UEVLD: variants seen among roughly 807,000 people sequenced by gnomAD.
UEVLD encodes the protein UEV and lactate/malate dehyrogenase domains.
In UEVLD, 47 loss-of-function variants were observed where a neutral mutation model predicts 58.6. That is an observed-to-expected ratio of 0.80 (90% CI 0.63 to 1.02). The LOEUF (loss-of-function observed/expected upper bound fraction) is 1.02, where lower values mean the gene tolerates loss of function less well. Ranked by LOEUF, UEVLD falls within the 50% of genes least tolerant of loss-of-function variation. The probability of loss-of-function intolerance (pLI) is 0.00; values close to 1 mark genes in which losing one functional copy is unlikely to be tolerated. For missense variants in UEVLD, 510 were observed against 550.6 expected, an observed-to-expected ratio of 0.93 and a Z score of 0.74; for synonymous variants, 197 against 195.3, an observed-to-expected ratio of 1.01 and a Z score of -0.07.
Position 18,532,113 on chromosome 11 carries a change from G to C in UEVLD, c.*207C>G. On this transcript the variant is annotated 3_prime_UTR_variant, in exon 12 of 12. Coordinates refer to ENST00000396197, the MANE Select transcript of UEVLD (RefSeq NM_001040697.4). ...TTAAAGAACAGCATAGATATCTCAAGAACCCCAAATAAAATTAATTTTTCC... is the reference window on the plus strand; with the variant it reads ...TTAAAGAACAGCATAGATATCTCAACAACCCCAAATAAAATTAATTTTTCC... 2.5e-6 allele frequency: 1 copy of C among 400,348 alleles called. No homozygotes were observed. Among genetic ancestry groups the C allele is most frequent in the Non-Finnish European group, 4.4e-6 (1 of 228,884 alleles). The allele number at this position is 400,348 out of a possible 1,614,324, so 24.8% of individuals were successfully genotyped here.
intron 7 of UEVLD, among the ~76,000 whole-genome samples, chr11:18,556,962 C>G (rs1851778149): frequency 6.6e-6 from 1 of 151,420 alleles, no homozygotes; most frequent in Non-Finnish European, 1.5e-5. Context: ...TGTGGTGGTG[C>G]ATGCCTATAG....
chr11:18,588,214 G>C (rs933799845), intron 1 of UEVLD, among the ~76,000 whole-genome samples: 3 of 152,182 alleles, frequency 2.0e-5, no homozygotes, highest in Non-Finnish European at 1.5e-5. Context: ...CAGAAGGGTT[G>C]ATTCAATCTT....
Position 18,546,940 on chromosome 11 carries a change from G to A in UEVLD, c.826C>T (p.Leu276Phe), listed in dbSNP as rs1273148905. ...CTATAATGTCCCAGAGCTGGGACAA[G>A]GGCTCTGAACATATCCACATTGCTC... ...VQSNVDMFRA[L>F]VPALGHYSQH... The change falls in exon 8 of 12, where the codon CTT becomes TTT. Residue 276 changes from leucine (L) to phenylalanine (F), a missense_variant. Coordinates refer to ENST00000396197, the MANE Select transcript of UEVLD (RefSeq NM_001040697.4). The A allele has an allele frequency of 2.5e-6, 4 of 1,613,948 alleles. No individual in the cohort carries two copies. The highest frequency in any genetic ancestry group is 3.3e-5 in the Admixed American group (2 of 59,972).
At position 18,544,647 on chromosome 11, in the gene UEVLD, T is replaced by C; in HGVS notation, c.1036A>G (p.Ile346Val). Residue 346 changes from isoleucine to valine, a missense_variant, in exon 9 of 12, where the codon ATT (isoleucine) becomes GTT (valine). Coordinates refer to ENST00000396197, the MANE Select transcript of UEVLD (RefSeq NM_001040697.4). The stretch of plus-strand genomic sequence containing the variant: ...CCTTTGTCTTCTCCTTGCTCGCCAA[T>C]AACCCATACTTCTTTGCCTGAAGTC... ...AQTSGKEVWV[I>V]GEQGEDKVLT... 1.3e-6 allele frequency: 2 copies of C among 1,595,032 alleles called. No homozygotes were observed. The highest frequency in any genetic ancestry group is 1.7e-6 in the Non-Finnish European group (2 of 1,173,704).
In UEVLD at chr11:18,531,099, C is replaced by T. The variant is rs1051750788; in HGVS notation, c.*1221G>A. 5 of 152,272 alleles carry T rather than the reference C, an allele frequency of 3.3e-5. No homozygotes were observed. In the East Asian group the frequency reaches 7.7e-4, roughly 24 times the overall value. 9.4% of individuals were successfully genotyped at this position (152,272 alleles called of 1,614,324 possible). On this transcript the variant is annotated 3_prime_UTR_variant, in exon 12 of 12. Transcript: ENST00000396197. ...CCTTTCATGGTGTACAGGACCCCAG[C>T]TTTAGGGTCTTTTGATAACTATTTT...
chr11:18,586,752 A>G (rs1051228384), intron 1 of UEVLD, among the ~76,000 whole-genome samples: 7 of 152,178 alleles, frequency 4.6e-5, no homozygotes, highest in Non-Finnish European at 5.9e-5. Context: ...GAAACTTCAT[A>G]TATTTGCTGC....
intron 1 of UEVLD, 43 bp from the exon 2 acceptor site, chr11:18,578,851 A>T: frequency 7.0e-7 from 1 of 1,433,276 alleles, no homozygotes; most frequent in Non-Finnish European, 9.6e-7. Flanking sequence ...TAAAGCTGTA[A>T]GCAAAAGAAC....
chr11:18,571,572 C>G (rs749458486), intron 3 of UEVLD, among the ~76,000 whole-genome samples: 36 of 152,288 alleles, frequency 2.4e-4, no homozygotes, highest in Non-Finnish European at 4.4e-4. Flanking sequence ...ACCTTGACTC[C>G]TACCCTGCAC....
At chr11:18,550,032 G>A (rs1851461786) in intron 7 of UEVLD, among the ~76,000 whole-genome samples, 1 of 151,580 alleles carries the variant, frequency 6.6e-6, no homozygotes, top group Non-Finnish European at 1.5e-5. Context: ...ATGTTGGCCA[G>A]GCTGGTCTTG....
intron 6 of UEVLD, among the ~76,000 whole-genome samples, chr11:18,560,251 G>A (rs1217125498): frequency 6.6e-6 from 1 of 152,010 alleles, no homozygotes; most frequent in Non-Finnish European, 1.5e-5. Flanking sequence ...ATGTGACACA[G>A]GGCTTGCATA....
At chr11:18,585,658 GAC>G (rs1342758587) in intron 1 of UEVLD, among the ~76,000 whole-genome samples, 1 of 148,450 alleles carries the variant, frequency 6.7e-6, no homozygotes, top group Admixed American at 6.7e-5. Context: ...TTTTTTTTGA[GAC>G]AGAGTATTGC....
At chr11:18,588,414 C>T (rs1291460524) in intron 1 of UEVLD, among the ~76,000 whole-genome samples, 199 bp downstream of exon 1, 2 of 152,158 alleles carry the variant, frequency 1.3e-5, no homozygotes, top group Non-Finnish European at 1.5e-5. Context: ...TGGGAAACCT[C>T]AGAGTTGCGG....
At chr11:18,573,474 G>C (rs1165815320) in intron 3 of UEVLD, among the ~76,000 whole-genome samples, 1 of 151,966 alleles carries the variant, frequency 6.6e-6, no homozygotes, top group African/African-American at 2.4e-5. Context: ...ACAGGTCTGA[G>C]TAAAATTCTC....
intron 5 of UEVLD, among the ~76,000 whole-genome samples, chr11:18,565,325 T>TA (rs1206837445): frequency 6.6e-6 from 1 of 152,134 alleles, no homozygotes; most frequent in Non-Finnish European, 1.5e-5. Context: ...TGGTCTACAA[T>TA]AAAAAAATAT....
At chr11:18,545,494 G>A (rs1590321584) in intron 8 of UEVLD, among the ~76,000 whole-genome samples, 1 of 152,016 alleles carries the variant, frequency 6.6e-6, no homozygotes, top group Non-Finnish European at 1.5e-5. Flanking sequence ...CCCCAGGCTG[G>A]AGTGCAGTGG....
chr11:18,549,054 TAC>T (rs1412519727), intron 7 of UEVLD, among the ~76,000 whole-genome samples: 1 of 152,230 alleles, frequency 6.6e-6, no homozygotes, highest in Non-Finnish European at 1.5e-5. Flanking sequence ...TAATCAACAA[TAC>T]ACAATGGAGT....
Position 18,557,588 on chromosome 11 carries a change from T to C in UEVLD, c.715+640A>G, listed in dbSNP as rs527901831. On this transcript the variant is annotated intron_variant, in intron 7 of 11. Coordinates refer to ENST00000396197, the MANE Select transcript of UEVLD (RefSeq NM_001040697.4). ...TTTTTTCAGAGACAGGGTCTCGATATGTTGCTCAGGCTGGAGTGTGGTGGC... is the reference window on the plus strand; with the variant it reads ...TTTTTTCAGAGACAGGGTCTCGATACGTTGCTCAGGCTGGAGTGTGGTGGC... Among the ~76,000 whole-genome samples, 6 of 151,258 alleles carry C rather than the reference T, an allele frequency of 4.0e-5. No homozygotes were observed. The East Asian group carries it at 1.2e-3, about 29-fold the overall frequency.
Position 18,558,288 on chromosome 11 carries a change from T to G in UEVLD, c.655A>C (p.Thr219Pro), listed in dbSNP as rs1851852543. ...TCAAGGTCCATCGTGGCTCCTTTAG[T>G]CCCTTCTGAGAGGTCTAAGAGGACA... ...RLVLLDLSEGTKGATMDLEIF... is the reference protein window; with the variant it reads ...RLVLLDLSEGPKGATMDLEIF... Residue 219 changes from threonine to proline, a missense_variant, in exon 7 of 12, where the codon ACT (threonine) becomes CCT (proline). Thr to Pro is a conservative substitution (Grantham distance 38, BLOSUM62 -1). Coordinates refer to ENST00000396197, the MANE Select transcript of UEVLD (RefSeq NM_001040697.4). 1 of 1,613,570 alleles carries G rather than the reference T, an allele frequency of 6.2e-7. No homozygotes were observed. Among genetic ancestry groups the G allele is most frequent in the African/African-American group, 1.3e-5 (1 of 75,062 alleles).
chr11:18,581,770 T>C (rs1175373463), intron 1 of UEVLD, among the ~76,000 whole-genome samples: 2 of 152,064 alleles, frequency 1.3e-5, no homozygotes, highest in South Asian at 4.1e-4. Flanking sequence ...TATAAACAAC[T>C]TGAGAGCAGG....
Sources: gnomAD v4.1 joint callset for allele counts (sites outside exome capture counted in the v4.1 genomes callset) on GRCh38, gnomAD v4.1.1 for gene constraint, MANE v1.5 for transcripts, NCBI Gene and HGNC (gene_info 2026-07-23, HGNC 2026-07-21) for gene names.